The following CALB2 variants were observed in gnomAD, a reference collection of about 807,000 sequenced individuals.
CALB2 encodes the protein calretinin.
A neutral mutation model predicts 45.9 loss-of-function variants in CALB2; 34 were observed. The ratio of observed to expected loss-of-function variants is 0.74; its 90% CI spans 0.56 to 0.99. The LOEUF (loss-of-function observed/expected upper bound fraction) is 0.99. Ranked by LOEUF, CALB2 falls within the 50% of genes least tolerant of loss-of-function variation. The probability of loss-of-function intolerance (pLI) is 0.00; values close to 1 mark genes in which losing one functional copy is unlikely to be tolerated. For synonymous variants in CALB2, 142 were observed against 129.6 expected, an observed-to-expected ratio of 1.10 and a Z score of -0.65; for missense variants, 344 against 339.3, an observed-to-expected ratio of 1.01 and a Z score of -0.11.
At chr16:71,371,856 C>T (rs1417255469) in intron 1 of CALB2, among the ~76,000 whole-genome samples, 1 of 152,218 alleles carries the variant, frequency 6.6e-6, no homozygotes, top group Non-Finnish European at 1.5e-5. Context: ...CCACCTCGTG[C>T]TTGCCCAGAC....
chr16:71,389,258 A>G (rs776099925), intron 10 of CALB2, among the ~76,000 whole-genome samples: 19 of 151,804 alleles, frequency 1.3e-4, no homozygotes, highest in Admixed American at 3.3e-4. Context: ...CCAGGAGGCT[A>G]GAAGGCAAGA....
intron 3 of CALB2, among the ~76,000 whole-genome samples, chr16:71,376,502 C>T (rs2042413908): frequency 6.6e-6 from 1 of 152,126 alleles, no homozygotes; most frequent in African/African-American, 2.4e-5. Context: ...CATACATCCA[C>T]ATATACCCAC....
intron 6 of CALB2, 24 bp downstream of exon 6, chr16:71,383,468 T>C: frequency 6.2e-7 from 1 of 1,607,472 alleles, no homozygotes; most frequent in Non-Finnish European, 8.5e-7. Context: ...AGTGTCCCTC[T>C]CCCCCAGGGT....
At chr16:71,385,192 T>C (rs1030531499) in intron 9 of CALB2, among the ~76,000 whole-genome samples, 2 of 152,140 alleles carry the variant, frequency 1.3e-5, no homozygotes, top group Non-Finnish European at 2.9e-5. Context: ...AGTTGGAAGT[T>C]AGATGATCTC....
intron 10 of CALB2, among the ~76,000 whole-genome samples, chr16:71,388,510 T>C (rs186443276): frequency 2.2e-4 from 33 of 152,270 alleles, no homozygotes; most frequent in African/African-American, 7.7e-4. Flanking sequence ...TTGTAAAGCA[T>C]GTATTTAACA....
chr16:71,384,885 C>T lies in CALB2; in HGVS notation c.627+49C>T, dbSNP rs759802083. ...AGGGAAAATCAGAAGCCCATCAGCCCGTCCAGAAGGGCTCAGCTTCATCCC... is the reference window on the plus strand; with the variant it reads ...AGGGAAAATCAGAAGCCCATCAGCCTGTCCAGAAGGGCTCAGCTTCATCCC... On this transcript the variant is annotated intron_variant, in intron 9 of 10. Coordinates refer to ENST00000302628, the MANE Select transcript of CALB2 (RefSeq NM_001740.5). The T allele has an allele frequency of 9.3e-6, 14 of 1,500,398 alleles. No individual in the cohort carries two copies. In the African/African-American group the frequency reaches 1.2e-4, roughly 13 times the overall value. 92.9% of individuals were successfully genotyped at this position (1,500,398 alleles called of 1,614,324 possible).
At chr16:71,388,170 C>T (rs1004325992) in intron 10 of CALB2, among the ~76,000 whole-genome samples, 1 of 145,472 alleles carries the variant, frequency 6.9e-6, no homozygotes, top group African/African-American at 2.4e-5. Flanking sequence ...ATTTTCAATA[C>T]AAAAGAATAA....
chr16:71,383,498 C>T (rs2042525381), intron 6 of CALB2, 54 bp downstream of exon 6: 8 of 1,511,174 alleles, frequency 5.3e-6, no homozygotes, highest in Non-Finnish European at 6.4e-6. Flanking sequence ...GTGCCCCAAG[C>T]CACTTGGGCT....
chr16:71,378,633 G>A (rs2144983155), intron 4 of CALB2, among the ~76,000 whole-genome samples: 1 of 152,334 alleles, frequency 6.6e-6, no homozygotes, highest in Admixed American at 6.5e-5. Context: ...TGATGTGTAT[G>A]CACATTAAAA....
At chr16:71,374,142 T>C (rs2042383631) in intron 2 of CALB2, among the ~76,000 whole-genome samples, 1 of 152,228 alleles carries the variant, frequency 6.6e-6, no homozygotes, top group African/African-American at 2.4e-5. Context: ...AGCTGTGGGC[T>C]TGAAGGAATG....
In CALB2 at chr16:71,384,032, A is replaced by T; in HGVS notation, c.533+7A>T. On this transcript the variant is annotated splice_region_variant and intron_variant, in intron 7 of 10. Coordinates refer to ENST00000302628, the MANE Select transcript of CALB2 (RefSeq NM_001740.5). ...GCCTCTCAGAGATGTCCCGGTAAGC[A>T]CCTCACCCCCGGGGTCACTGATACT... The T allele has an allele frequency of 6.2e-7, 1 of 1,613,488 alleles. No individual in the cohort carries two copies. The highest frequency in any genetic ancestry group is 1.7e-5 in the Admixed American group (1 of 59,978).
intron 10 of CALB2, 49 bp from the exon 11 acceptor site, chr16:71,389,700 T>A (rs749568467): frequency 1.5e-6 from 2 of 1,375,562 alleles, no homozygotes; most frequent in Non-Finnish European, 2.1e-6. Context: ...GCTCCTTGCG[T>A]CGGGACCATC....
chr16:71,388,756 A>G (rs2042600513), intron 10 of CALB2, among the ~76,000 whole-genome samples: 1 of 151,638 alleles, frequency 6.6e-6, no homozygotes, highest in Non-Finnish European at 1.5e-5. Context: ...GGAGGCGGGC[A>G]GATCACCTGA....
Position 71,389,727 on chromosome 16 carries a change from ACCCTCTC to A in CALB2, c.700-19_700-13del, listed in dbSNP as rs1484598096. 2.0e-5 allele frequency: 31 copies of A among 1,582,078 alleles called. No homozygotes were observed. The highest frequency in any genetic ancestry group is 2.7e-5 in the Non-Finnish European group (31 of 1,151,838). ...GGGACCATCCCCTGAACCTGCTCTT[ACCCTCTC>A]CCTGTATTTCCTAGGAAATGAATAT... On this transcript the variant is annotated splice_polypyrimidine_tract_variant and intron_variant, in intron 10 of 10. Coordinates refer to ENST00000302628, the MANE Select transcript of CALB2 (RefSeq NM_001740.5).
intron 1 of CALB2, among the ~76,000 whole-genome samples, chr16:71,367,606 G>C (rs961282705): frequency 6.6e-6 from 1 of 152,178 alleles, no homozygotes; most frequent in Non-Finnish European, 1.5e-5. Context: ...GTTCCTCACT[G>C]TCTGCCATCA....
chr16:71,384,345 G>A lies in CALB2; in HGVS notation c.540G>A (p.Leu180=). The A allele has an allele frequency of 6.2e-7, 1 of 1,613,058 alleles. No homozygotes were observed. The highest frequency in any genetic ancestry group is 2.2e-5 in the East Asian group (1 of 44,816). ...KLGLSEMSRL[L]PVQENFLLKF... Reference sequence around the variant, plus strand: ...TCTAACATTTTCTCCCCAGACTCCTGCCTGTCCAGGAAAACTTCCTGCTTA... The same window carrying A: ...TCTAACATTTTCTCCCCAGACTCCTACCTGTCCAGGAAAACTTCCTGCTTA... Residue 180 remains leucine, a synonymous_variant, in exon 8 of 11, where the codon CTG becomes CTA. Transcript: ENST00000302628.
chr16:71,389,824 A>C lies in CALB2; in HGVS notation c.775A>C (p.Lys259Gln). The C allele has an allele frequency of 6.2e-7, 1 of 1,613,996 alleles. No homozygotes were observed. Residue 259 changes from lysine to glutamine, a missense_variant, in exon 11 of 11, where the codon AAG becomes CAG. Lys to Gln is a moderately conservative substitution (Grantham distance 53). Transcript: ENST00000302628. ...GGCAGAGGCAGGGAAGCTCTACCGC[A>C]AGGACCTGGAGATTGTGCTCTGCAG... ...SLAEAGKLYR[K>Q]DLEIVLCSEP... is the part of the protein sequence containing the mutation.
intron 10 of CALB2, among the ~76,000 whole-genome samples, chr16:71,389,142 C>T (rs185466616): frequency 5.3e-5 from 8 of 152,080 alleles, no homozygotes; most frequent in Non-Finnish European, 1.0e-4. Context: ...GAGCCGAGAT[C>T]GTGTCACTTC....
At chr16:71,364,477 C>T (rs2042262768) in intron 1 of CALB2, among the ~76,000 whole-genome samples, 1 of 152,222 alleles carries the variant, frequency 6.6e-6, no homozygotes, top group South Asian at 2.1e-4. Flanking sequence ...CAGTGCCTCT[C>T]CAGCCCCAGC....
Sources: allele counts gnomAD v4.1 joint callset (sites outside exome capture counted in the v4.1 genomes callset), GRCh38; gene constraint gnomAD v4.1.1; transcripts MANE v1.5; gene names NCBI Gene and HGNC (gene_info 2026-07-23, HGNC 2026-07-21).